POU2AF2: variants seen among roughly 807,000 people sequenced by gnomAD.
POU2AF2 encodes the protein POU class 2 homeobox associating factor 2.
chr11:111,259,225 A>C, the POU2AF2 span, among the ~76,000 whole-genome samples: 12 of 151,828 alleles, frequency 7.9e-5, no homozygotes, highest in Non-Finnish European at 1.5e-4. Context: ...TTTACAGATG[A>C]GTGCATTGAG....
the POU2AF2 span, among the ~76,000 whole-genome samples, chr11:111,278,406 C>T: frequency 6.6e-6 from 1 of 152,166 alleles, no homozygotes; most frequent in East Asian, 1.9e-4. Flanking sequence ...TTTGCATTCC[C>T]CTAAAATTCA....
At chr11:111,277,885 G>T in the POU2AF2 span, among the ~76,000 whole-genome samples, 10 of 152,334 alleles carry the variant, frequency 6.6e-5, no homozygotes, top group South Asian at 8.3e-4. Flanking sequence ...CCACAGAGCT[G>T]AAAATGGGAG....
At chr11:111,257,699 C>G in the POU2AF2 span, among the ~76,000 whole-genome samples, 1 of 152,184 alleles carries the variant, frequency 6.6e-6, no homozygotes, top group African/African-American at 2.4e-5. Flanking sequence ...AAACCACCAC[C>G]TCTCTTCTAG....
At chr11:111,258,736 T>C in the POU2AF2 span, among the ~76,000 whole-genome samples, 1 of 152,190 alleles carries the variant, frequency 6.6e-6, no homozygotes, top group African/African-American at 2.4e-5. Flanking sequence ...TATTATTGGG[T>C]TGGAGCCAAG....
chr11:111,271,237 C>T, the POU2AF2 span, among the ~76,000 whole-genome samples: 170 of 151,974 alleles, frequency 1.1e-3, no homozygotes, highest in African/African-American at 2.9e-3. Flanking sequence ...GCAGGAGAAT[C>T]GCTTGAACCC....
At chr11:111,285,597 G>A in the POU2AF2 span, 1 of 1,561,898 alleles carries the variant, frequency 6.4e-7, no homozygotes, top group Non-Finnish European at 8.6e-7. Context: ...AGCACACAAT[G>A]TATCATCAGA....
chr11:111,283,973 A>G, the POU2AF2 span: 15 of 1,007,958 alleles, frequency 1.5e-5, no homozygotes, highest in Non-Finnish European at 2.1e-5. Context: ...GGAGTCAGGC[A>G]CGCGTTAGTA....
At chr11:111,278,039 T>A in the POU2AF2 span, among the ~76,000 whole-genome samples, 1 of 152,238 alleles carries the variant, frequency 6.6e-6, no homozygotes, top group Admixed American at 6.5e-5. Flanking sequence ...GAGAGTTCCC[T>A]TCTGCCACTT....
the POU2AF2 span, chr11:111,284,292 C>T: frequency 1.9e-6 from 3 of 1,613,700 alleles, no homozygotes; most frequent in Non-Finnish European, 2.5e-6. Context: ...GCGCTGACGC[C>T]CAACGCGGGC....
the POU2AF2 span, chr11:111,245,926 C>T: frequency 7.5e-6 from 3 of 398,138 alleles, no homozygotes; most frequent in Admixed American, 1.3e-4. Context: ...TTTTTGATAA[C>T]ACAAAGTCAT....
At chr11:111,276,324 G>A in the POU2AF2 span, among the ~76,000 whole-genome samples, 5 of 151,000 alleles carry the variant, frequency 3.3e-5, no homozygotes, top group South Asian at 2.1e-4. Flanking sequence ...CTGGCCGGGC[G>A]CGGTGGCTCC....
chr11:111,271,859 A>G, the POU2AF2 span, among the ~76,000 whole-genome samples: 1 of 152,062 alleles, frequency 6.6e-6, no homozygotes, highest in Non-Finnish European at 1.5e-5. Context: ...CTAAATACAA[A>G]AAAAAAAATT....
the POU2AF2 span, chr11:111,281,302 A>T: frequency 1.0e-6 from 1 of 1,001,684 alleles, no homozygotes; most frequent in Non-Finnish European, 1.5e-6. Flanking sequence ...AATACTTCTG[A>T]ATATCATAAA....
At chr11:111,247,630 T>C in the POU2AF2 span, among the ~76,000 whole-genome samples, 6 of 151,656 alleles carry the variant, frequency 4.0e-5, no homozygotes, top group Non-Finnish European at 8.8e-5. Context: ...CTACTAAAAA[T>C]ACAAAAATTA....
chr11:111,259,035 T>A, the POU2AF2 span, among the ~76,000 whole-genome samples: 6 of 152,156 alleles, frequency 3.9e-5, no homozygotes, highest in South Asian at 1.2e-3. Context: ...ATTTGAAAAA[T>A]ACAAGAACTT....
At chr11:111,275,011 C>G in the POU2AF2 span, among the ~76,000 whole-genome samples, 1 of 152,190 alleles carries the variant, frequency 6.6e-6, no homozygotes, top group Non-Finnish European at 1.5e-5. Context: ...ATACATATAA[C>G]ACAGTTGACC....
chr11:111,285,788 G>T, the POU2AF2 span: 1 of 1,610,850 alleles, frequency 6.2e-7, no homozygotes, highest in South Asian at 1.1e-5. Context: ...CCAGCACAGG[G>T]GCTCAAGCTG....
the POU2AF2 span, chr11:111,284,457 C>A: frequency 5.5e-6 from 8 of 1,453,028 alleles, no homozygotes; most frequent in Non-Finnish European, 7.3e-6. Context: ...GCTTGGCATC[C>A]GGGTTGAAGC....
the POU2AF2 span, among the ~76,000 whole-genome samples, chr11:111,277,155 G>C: frequency 6.6e-6 from 1 of 152,150 alleles, no homozygotes; most frequent in Non-Finnish European, 1.5e-5. Flanking sequence ...ATTGTTTGTA[G>C]GTTTTGTTAA....
Sources: allele counts gnomAD v4.1 joint callset (sites outside exome capture counted in the v4.1 genomes callset), GRCh38; gene constraint gnomAD v4.1.1; transcripts MANE v1.5; gene names NCBI Gene and HGNC (gene_info 2026-07-23, HGNC 2026-07-21).